CACNA1C: variants seen among roughly 807,000 people sequenced by gnomAD.
The protein encoded by CACNA1C is voltage-dependent L-type calcium channel subunit alpha-1C.
CACNA1C carries 30 observed loss-of-function variants against 229.0 expected under a neutral mutation model. The observed-to-expected ratio is 0.13, with a 90% confidence interval of 0.10 to 0.18. The LOEUF is 0.18. Among genes scored for constraint, CACNA1C ranks in the 10% least tolerant of loss-of-function variants. The pLI, the probability that CACNA1C is intolerant of heterozygous loss-of-function variation, is 1.00. For missense variants in CACNA1C, 1,658 were observed against 2,845.0 expected (o/e 0.58, Z 9.49); for synonymous variants, 1,114 against 1,132.5 (o/e 0.98, Z 0.33).
chr12:2,122,108 C>T (rs901691897), intron 3 of CACNA1C, among the ~76,000 whole-genome samples: 10 of 152,096 alleles, frequency 6.6e-5, no homozygotes, highest in African/African-American at 1.9e-4. Context: ...CAGAGGGGCT[C>T]GTAGGAGAGG....
chr12:2,390,839 C>A (rs1189565362), intron 3 of CACNA1C, among the ~76,000 whole-genome samples: 1 of 152,192 alleles, frequency 6.6e-6, no homozygotes, highest in Non-Finnish European at 1.5e-5. Flanking sequence ...TTTGTGATCT[C>A]TTTTTGCGTG....
chr12:2,553,166 C>T (rs1021022685), intron 10 of CACNA1C, among the ~76,000 whole-genome samples: 6 of 152,192 alleles, frequency 3.9e-5, no homozygotes, highest in Non-Finnish European at 7.3e-5. Context: ...AAGCACTCCG[C>T]TCTGGGCCTC....
intron 18 of CACNA1C, among the ~76,000 whole-genome samples, chr12:2,590,242 A>T (rs1305119029): frequency 6.6e-6 from 1 of 152,160 alleles, no homozygotes; most frequent in Non-Finnish European, 1.5e-5. Flanking sequence ...GTTGCCAAGG[A>T]CCAAGGGTGG....
chr12:1,997,789 C>G, intron 1 of CACNA1C: 1 of 675,008 alleles, frequency 1.5e-6, no homozygotes, highest in Non-Finnish European at 2.6e-6. Flanking sequence ...TTCCCTTCTT[C>G]GTGTCAACTA....
At chr12:2,123,040 G>C (rs1379067066) in intron 3 of CACNA1C, among the ~76,000 whole-genome samples, 1 of 152,204 alleles carries the variant, frequency 6.6e-6, no homozygotes, top group Non-Finnish European at 1.5e-5. Flanking sequence ...AGCAAAATTT[G>C]AGTTGGACAG....
intron 1 of CACNA1C, among the ~76,000 whole-genome samples, chr12:2,023,936 C>A (rs573953414): frequency 6.6e-6 from 1 of 152,134 alleles, no homozygotes; most frequent in Non-Finnish European, 1.5e-5. Context: ...AGCACTGCAC[C>A]GGGAGTCAGG....
intron 3 of CACNA1C, among the ~76,000 whole-genome samples, chr12:2,284,365 T>G (rs1389962733): frequency 6.6e-6 from 1 of 151,834 alleles, no homozygotes; most frequent in Non-Finnish European, 1.5e-5. Flanking sequence ...CAAACAAAGT[T>G]TCTTGCGGTT....
rs2094409233 is a variant in CACNA1C at position 2,646,768 on chromosome 12, A to AAAG, written c.3913-1706_3913-1705insAGA. Among the ~76,000 whole-genome samples, 1 of 146,504 alleles carries AAAG rather than the reference A, an allele frequency of 6.8e-6. No individual in the cohort carries two copies. Among genetic ancestry groups the AAAG allele is most frequent in the African/African-American group, 2.5e-5 (1 of 40,140 alleles). On this transcript the variant is annotated intron_variant, in intron 30 of 46. Coordinates refer to ENST00000399655, the MANE Select transcript of CACNA1C (RefSeq NM_000719.7). The surrounding 1 kb of genome is among the most constrained non-coding windows in gnomAD (Gnocchi z 4.6). ...TGCCTGTATGAGAGAGAGAGAGAGAAAGAGAGAGAGAGAGAGAGAGAGTGT... is the reference window on the plus strand; with the variant it reads ...TGCCTGTATGAGAGAGAGAGAGAGAAAAGAGAGAGAGAGAGAGAGAGAGAGTGT...
rs1026962491 is a variant in CACNA1C at position 2,348,861 on chromosome 12, C to T, written c.478-100115C>T. Among the ~76,000 whole-genome samples, 28 of 152,082 alleles carry T rather than the reference C, an allele frequency of 1.8e-4. No homozygotes were observed. Among genetic ancestry groups the T allele is most frequent in the African/African-American group, 5.1e-4 (21 of 41,500 alleles). On this transcript the variant is annotated intron_variant, in intron 3 of 46. Coordinates refer to ENST00000399655, the MANE Select transcript of CACNA1C (RefSeq NM_000719.7). This position sits in a 1 kb window ranked among gnomAD's most constrained non-coding sequence, Gnocchi z 4.7. ...ACCCGTCATGTCAGCATTCAGAGCC[C>T]GGCAGGAAAAAGCCTCCTTCAAAGT... is the stretch of plus-strand genomic sequence containing the variant.
intron 3 of CACNA1C, among the ~76,000 whole-genome samples, chr12:2,368,287 C>T (rs966970071): frequency 2.0e-5 from 3 of 152,022 alleles, no homozygotes; most frequent in Non-Finnish European, 2.9e-5. Flanking sequence ...TGCCAGTCAG[C>T]GTTGTGAAAG....
chr12:2,618,745 C>G (rs1391501381), intron 29 of CACNA1C, among the ~76,000 whole-genome samples: 4 of 152,212 alleles, frequency 2.6e-5, no homozygotes, highest in Non-Finnish European at 4.4e-5. Flanking sequence ...AAAGCTCAGT[C>G]AAGGACCAGG....
chr12:1,990,792 G>C (rs187658328), intron 1 of CACNA1C, among the ~76,000 whole-genome samples: 3 of 152,156 alleles, frequency 2.0e-5, no homozygotes, highest in Non-Finnish European at 4.4e-5. Flanking sequence ...CAAAGAACAT[G>C]TAAACCATAC....
intron 30 of CACNA1C, among the ~76,000 whole-genome samples, chr12:2,637,191 G>C (rs185632652): frequency 6.6e-6 from 1 of 152,306 alleles, no homozygotes; most frequent in African/African-American, 2.4e-5. Flanking sequence ...CAGAGACTCT[G>C]TTTTTTCATC....
chr12:2,168,321 CAG>C (rs770339475), intron 3 of CACNA1C, among the ~76,000 whole-genome samples: 4 of 152,156 alleles, frequency 2.6e-5, no homozygotes, highest in Non-Finnish European at 5.9e-5. Context: ...GATGGGGAAA[CAG>C]AATTCAGTTT....
rs920396851 is a variant in CACNA1C at position 2,300,591 on chromosome 12, A to C, written c.478-148385A>C. On this transcript the variant is annotated intron_variant, in intron 3 of 46. Coordinates refer to ENST00000399655, the MANE Select transcript of CACNA1C (RefSeq NM_000719.7). ...CAATGAGCTGTGATCGCACCACTGC[A>C]CTCCAGCCTGGTGACAGAGTGAGAC... Among the ~76,000 whole-genome samples, 5 of 152,300 alleles carry C rather than the reference A, an allele frequency of 3.3e-5. No homozygotes were observed. In the South Asian group the frequency reaches 1.0e-3, roughly 32 times the overall value.
chr12:2,567,714 G>T lies in CACNA1C; in HGVS notation c.1815G>T (p.Leu605=). 2 of 1,613,612 alleles carry T rather than the reference G, an allele frequency of 1.2e-6. No homozygotes were observed. Among genetic ancestry groups the T allele is most frequent in the South Asian group, 1.1e-5 (1 of 90,994 alleles). ...VVCGGILETI[L]VETKIMSPLG... is the part of the protein sequence containing the mutation. ...GTGGCGGCATCCTGGAGACCATCCT[G>T]GTGGAGACCAAGATCATGTCCCCAC... Residue 605 remains leucine (L), a synonymous_variant, in exon 13 of 47, where the codon CTG becomes CTT. Transcript: ENST00000399655.
intron 18 of CACNA1C, among the ~76,000 whole-genome samples, chr12:2,591,086 G>A (rs888305368): frequency 6.6e-6 from 1 of 152,164 alleles, no homozygotes; most frequent in African/African-American, 2.4e-5. Context: ...TGTCTTGCTG[G>A]TCAGCTCTAA....
chr12:2,432,538 C>G (rs2099096290), intron 3 of CACNA1C, among the ~76,000 whole-genome samples: 1 of 152,188 alleles, frequency 6.6e-6, no homozygotes, highest in African/African-American at 2.4e-5. Context: ...GCCCCACTCT[C>G]TTGCTACCTT....
chr12:2,564,715 T>C (rs757018179), intron 11 of CACNA1C, among the ~76,000 whole-genome samples: 1 of 152,206 alleles, frequency 6.6e-6, no homozygotes, highest in Non-Finnish European at 1.5e-5. Context: ...GCACATCCGC[T>C]CATCTCAAGG....
Sources: gnomAD v4.1 joint callset for allele counts (sites outside exome capture counted in the v4.1 genomes callset) on GRCh38, gnomAD v4.1.1 for gene constraint, Gnocchi (gnomAD v3.1) non-coding constraint, MANE v1.5 for transcripts, NCBI Gene and HGNC (gene_info 2026-07-23, HGNC 2026-07-21) for gene names.